Variants in PIP5K1B observed in about 807,000 individuals in gnomAD.
PIP5K1B encodes phosphatidylinositol 4-phosphate 5-kinase type-1 beta.
In PIP5K1B, 42 loss-of-function variants were observed where a neutral mutation model predicts 67.0. The ratio of observed to expected loss-of-function variants is 0.63; its 90% CI spans 0.49 to 0.81. The LOEUF (loss-of-function observed/expected upper bound fraction) is 0.81, where lower values mean the gene tolerates loss of function less well. PIP5K1B is among the 30% of genes least tolerant of loss of function. PIP5K1B has a pLI of 0.00. For missense variants in PIP5K1B, 459 were observed against 646.3 expected (o/e 0.71, Z 3.14); for synonymous variants, 214 against 231.4 (o/e 0.92, Z 0.68).
intron 4 of PIP5K1B, among the ~76,000 whole-genome samples, chr9:68,838,252 A>T (rs1821736040): frequency 6.6e-6 from 1 of 151,890 alleles, no homozygotes; most frequent in Non-Finnish European, 1.5e-5. Flanking sequence ...TAATGTGTAA[A>T]TTATCATTTT....
chr9:68,824,779 T>C (rs1165815031), intron 4 of PIP5K1B, among the ~76,000 whole-genome samples: 2 of 152,204 alleles, frequency 1.3e-5, no homozygotes, highest in Admixed American at 1.3e-4. Context: ...TTCGGTTTAG[T>C]TCTCTGATCT....
At chr9:68,806,456 C>T (rs1235469928) in intron 2 of PIP5K1B, among the ~76,000 whole-genome samples, 2 of 152,138 alleles carry the variant, frequency 1.3e-5, no homozygotes, top group Non-Finnish European at 2.9e-5. Context: ...ATCTGGTTTT[C>T]GCTTCCCATT....
At chr9:68,932,847 T>C (rs1564245943) in intron 12 of PIP5K1B, among the ~76,000 whole-genome samples, 2 of 152,154 alleles carry the variant, frequency 1.3e-5, no homozygotes, top group African/African-American at 4.8e-5. Flanking sequence ...ATGCCTGTAA[T>C]CCTAGCACTT....
chr9:68,817,815 C>G (rs990197755), intron 2 of PIP5K1B, among the ~76,000 whole-genome samples: 3 of 151,232 alleles, frequency 2.0e-5, no homozygotes, highest in African/African-American at 7.3e-5. Flanking sequence ...CTTAGCCTCC[C>G]AAAGTGCTAC....
chr9:68,819,765 C>T (rs111518651), intron 3 of PIP5K1B, among the ~76,000 whole-genome samples: 19 of 152,238 alleles, frequency 1.2e-4, no homozygotes, highest in African/African-American at 4.1e-4. Flanking sequence ...TACATGGCCT[C>T]TCCGACTCCA....
intron 4 of PIP5K1B, among the ~76,000 whole-genome samples, chr9:68,860,032 CAT>C (rs1366576153): frequency 1.3e-5 from 2 of 152,068 alleles, no homozygotes; most frequent in African/African-American, 4.8e-5. Flanking sequence ...CATTTCCTCA[CAT>C]AGTTATTTTT....
At chr9:68,851,463 A>G (rs1822477177) in intron 4 of PIP5K1B, among the ~76,000 whole-genome samples, 1 of 152,228 alleles carries the variant, frequency 6.6e-6, no homozygotes, top group African/African-American at 2.4e-5. Flanking sequence ...GAAAATGCAG[A>G]TGCTGCAGAA....
At chr9:68,978,374 C>G (rs1212391497) in intron 14 of PIP5K1B, among the ~76,000 whole-genome samples, 1 of 152,216 alleles carries the variant, frequency 6.6e-6, no homozygotes, top group East Asian at 1.9e-4. Flanking sequence ...CAGTGTTTGG[C>G]TTTTTGCGTC....
intron 2 of PIP5K1B, among the ~76,000 whole-genome samples, chr9:68,749,658 T>A (rs1206117456): frequency 6.6e-6 from 1 of 152,206 alleles, no homozygotes; most frequent in East Asian, 1.9e-4. Context: ...TTTCTCAAGC[T>A]TTAAGTACAG....
intron 1 of PIP5K1B, among the ~76,000 whole-genome samples, chr9:68,735,938 T>C (rs1828715266): frequency 6.6e-6 from 1 of 151,924 alleles, no homozygotes; most frequent in Admixed American, 6.6e-5. Context: ...GAAGCAGGAG[T>C]GGCTTGGAAC....
chr9:68,718,500 T>C (rs1189561783), intron 1 of PIP5K1B, among the ~76,000 whole-genome samples: 1 of 152,232 alleles, frequency 6.6e-6, no homozygotes, highest in Non-Finnish European at 1.5e-5. Context: ...TCATTTTCAT[T>C]GGCCACTGAA....
At chr9:68,743,314 C>T (rs946024125) in intron 2 of PIP5K1B, among the ~76,000 whole-genome samples, 2 of 152,034 alleles carry the variant, frequency 1.3e-5, no homozygotes, top group East Asian at 3.9e-4. Flanking sequence ...AGCAATCCTC[C>T]TGCCTCAGCC....
intron 14 of PIP5K1B, among the ~76,000 whole-genome samples, chr9:68,965,311 G>A (rs1187910232): frequency 6.6e-6 from 1 of 152,162 alleles, no homozygotes; most frequent in Non-Finnish European, 1.5e-5. Context: ...TGAAGATGGG[G>A]GCAGAGGGTG....
chr9:68,806,457 G>A (rs998156894), intron 2 of PIP5K1B, among the ~76,000 whole-genome samples: 3 of 152,066 alleles, frequency 2.0e-5, no homozygotes, highest in African/African-American at 4.8e-5. Context: ...TCTGGTTTTC[G>A]CTTCCCATTT....
intron 7 of PIP5K1B, among the ~76,000 whole-genome samples, chr9:68,890,848 T>G (rs911018410): frequency 6.6e-6 from 1 of 152,246 alleles, no homozygotes; most frequent in Non-Finnish European, 1.5e-5. Flanking sequence ...GATAACCTGC[T>G]TAATTAGTAA....
chr9:68,849,256 T>C (rs1332260513), intron 4 of PIP5K1B, among the ~76,000 whole-genome samples: 3 of 152,186 alleles, frequency 2.0e-5, no homozygotes, highest in African/African-American at 7.2e-5. Context: ...ACAATTGTGG[T>C]ACATACAAGC....
At chr9:68,721,456 G>A (rs1027881592) in intron 1 of PIP5K1B, among the ~76,000 whole-genome samples, 1 of 152,158 alleles carries the variant, frequency 6.6e-6, no homozygotes, top group Admixed American at 6.5e-5. Flanking sequence ...TGGCTTGAGT[G>A]ACTGGAGAGA....
At chr9:68,892,091 G>A (rs911969203) in intron 7 of PIP5K1B, among the ~76,000 whole-genome samples, 2 of 152,104 alleles carry the variant, frequency 1.3e-5, no homozygotes, top group Non-Finnish European at 2.9e-5. Context: ...AGGACATAAA[G>A]AAGATCTGAA....
At chr9:68,948,488 C>A (rs1343017336) in intron 14 of PIP5K1B, among the ~76,000 whole-genome samples, 5 of 151,908 alleles carry the variant, frequency 3.3e-5, no homozygotes, top group Non-Finnish European at 5.9e-5. Context: ...GCAACAACAA[C>A]AAAAAACACA....
Sources: gnomAD v4.1 joint callset for allele counts (sites outside exome capture counted in the v4.1 genomes callset) on GRCh38, gnomAD v4.1.1 for gene constraint, MANE v1.5 for transcripts, NCBI Gene and HGNC (gene_info 2026-07-23, HGNC 2026-07-21) for gene names.